The following PIWIL1 variants were observed in gnomAD, a reference collection of about 807,000 sequenced individuals.
The protein encoded by PIWIL1 is piwi like RNA-mediated gene silencing 1, also known as piwi-like protein 1.
A neutral mutation model predicts 114.4 loss-of-function variants in PIWIL1; 73 were observed. That is an observed-to-expected ratio of 0.64 (90% CI 0.53 to 0.78). The LOEUF (loss-of-function observed/expected upper bound fraction) is 0.78. Ranked by LOEUF, PIWIL1 falls within the 30% of genes least tolerant of loss-of-function variation. The probability of loss-of-function intolerance (pLI) is 0.00; values close to 1 mark genes in which losing one functional copy is unlikely to be tolerated. For synonymous variants in PIWIL1, 375 were observed against 369.0 expected, an observed-to-expected ratio of 1.02 and a Z score of -0.19; for missense variants, 723 against 1,063.1, an observed-to-expected ratio of 0.68 and a Z score of 4.45.
the PIWIL1 span, among the ~76,000 whole-genome samples, chr12:130,404,308 G>A: frequency 2.0e-5 from 3 of 152,092 alleles, no homozygotes; most frequent in African/African-American, 4.8e-5. Flanking sequence ...ATTCCTTTTT[G>A]TTTGTTTTTG....
In PIWIL1 at chr12:130,345,710, A is replaced by T. The variant is rs2073051971; in HGVS notation, c.191-43A>T. 1.9e-6 allele frequency: 3 copies of T among 1,608,966 alleles called. No homozygotes were observed. The African/African-American group carries it at 4.0e-5, about 22-fold the overall frequency. ...ATGGGAGTTAATATTGTCATCCTTTATTTCGTGCTTTATGTTGCTCAAGTA... is the reference window on the plus strand; with the variant it reads ...ATGGGAGTTAATATTGTCATCCTTTTTTTCGTGCTTTATGTTGCTCAAGTA... On this transcript the variant is annotated intron_variant, in intron 3 of 20. Transcript: ENST00000245255.
At chr12:130,396,388 T>A in the PIWIL1 span, 1 of 152,758 alleles carries the variant, frequency 6.5e-6, no homozygotes, top group South Asian at 2.1e-4. Flanking sequence ...AATTTACAAG[T>A]GGACAAGAAT....
the PIWIL1 span, among the ~76,000 whole-genome samples, chr12:130,401,122 T>A: frequency 1.3e-5 from 2 of 152,054 alleles, no homozygotes; most frequent in African/African-American, 4.8e-5. Context: ...TTATATCTTT[T>A]TTTTTTAAAT....
At chr12:130,424,142 CA>C in the PIWIL1 span, 1 of 1,228,242 alleles carries the variant, frequency 8.1e-7, no homozygotes, top group Non-Finnish European at 1.0e-6. This position sits in a 1 kb window ranked among gnomAD's most constrained non-coding sequence, Gnocchi z 9.8. Context: ...GGTCACACAC[CA>C]GGGGGCCTTG....
rs531802349 is a variant in PIWIL1 at position 130,337,929 on chromosome 12, G to A, written c.-230G>A. The A allele has an allele frequency of 4.3e-5, 7 of 161,324 alleles. No individual in the cohort carries two copies. In the East Asian group the frequency reaches 5.8e-4, roughly 13 times the overall value. The allele number at this position is 161,324 out of a possible 1,614,324, so 10.0% of individuals were successfully genotyped here. Reference sequence around the variant, plus strand: ...GTACAGACACGAGGCCGGCGCCCGGGAGGCGGTGTTCATCCGCCCGGGAAA... The same window carrying A: ...GTACAGACACGAGGCCGGCGCCCGGAAGGCGGTGTTCATCCGCCCGGGAAA... On this transcript the variant is annotated 5_prime_UTR_variant, in exon 1 of 21. Transcript: ENST00000245255.
the PIWIL1 span, among the ~76,000 whole-genome samples, chr12:130,423,687 C>A: frequency 6.7e-4 from 79 of 118,658 alleles, no homozygotes; most frequent in Middle Eastern, 5.1e-3. Context: ...TAGATTTCTT[C>A]AATCTTTTTT....
At chr12:130,412,678 A>T in the PIWIL1 span, 2 of 1,613,934 alleles carry the variant, frequency 1.2e-6, no homozygotes, top group Non-Finnish European at 1.7e-6. Context: ...CTGATCCATC[A>T]TCTCCTCATC....
chr12:130,354,761 C>A (rs146983606), intron 10 of PIWIL1, 98 bp downstream of exon 10: 291 of 1,483,842 alleles, frequency 2.0e-4, no homozygotes, highest in Admixed American at 4.2e-4. Flanking sequence ...TTCCCTCCCC[C>A]CAGAAAACCT....
downstream of PIWIL1, among the ~76,000 whole-genome samples, chr12:130,374,757 G>T (rs1189531153): frequency 6.6e-6 from 1 of 152,152 alleles, no homozygotes; most frequent in Non-Finnish European, 1.5e-5. Flanking sequence ...AAAGCTCCAG[G>T]TGATCCCTCG....
chr12:130,358,196 C>T lies in PIWIL1; in HGVS notation c.1665+643C>T, dbSNP rs569947663. 3.0e-4 allele frequency among the ~76,000 whole-genome samples: 45 copies of T among 152,296 alleles called. 1 individual carries two copies. The highest frequency in any genetic ancestry group is 1.1e-3 in the African/African-American group (45 of 41,566). On this transcript the variant is annotated intron_variant, in intron 14 of 20. Coordinates refer to ENST00000245255, the MANE Select transcript of PIWIL1 (RefSeq NM_004764.5). ...CATATGCCTGTTTGCCAGAGTCTCG[C>T]TACCTAGCGTGGGTGTGTGGGAGGT...
intron 19 of PIWIL1, among the ~76,000 whole-genome samples, chr12:130,368,280 A>G (rs1371703902): frequency 4.6e-5 from 7 of 152,148 alleles, no homozygotes; most frequent in Admixed American, 4.6e-4. Flanking sequence ...TTTGTGAAGA[A>G]GGCGACTTTA....
At chr12:130,423,327 G>A in the PIWIL1 span, among the ~76,000 whole-genome samples, 2 of 152,188 alleles carry the variant, frequency 1.3e-5, no homozygotes, top group South Asian at 2.1e-4. Context: ...GCGGGCTGCC[G>A]TGGGCGGCTG....
chr12:130,369,457 T>C (rs2073759356), intron 19 of PIWIL1, among the ~76,000 whole-genome samples: 1 of 152,208 alleles, frequency 6.6e-6, no homozygotes, highest in Non-Finnish European at 1.5e-5. Flanking sequence ...TTCTAGATCT[T>C]TGAGGAATCA....
chr12:130,402,086 C>T, the PIWIL1 span, among the ~76,000 whole-genome samples: 8 of 152,226 alleles, frequency 5.3e-5, no homozygotes, highest in African/African-American at 1.7e-4. Flanking sequence ...GTAAAATCCA[C>T]GTCAGAACGC....
downstream of PIWIL1, among the ~76,000 whole-genome samples, chr12:130,373,735 C>G (rs1030303304): frequency 9.2e-5 from 14 of 152,090 alleles, no homozygotes; most frequent in Admixed American, 3.9e-4. Context: ...TGAAAGGGGT[C>G]TCCTTAACAT....
At position 130,372,128 on chromosome 12, in the gene PIWIL1, T is replaced by A. The variant is rs2073829249; in HGVS notation, c.*530T>A. ...AGATACAGGAGAAAATATGCTTGAT[T>A]TTTATTTGGCAGGGGGGCTAGGTTG... On this transcript the variant is annotated 3_prime_UTR_variant, in exon 21 of 21. Coordinates refer to ENST00000245255, the MANE Select transcript of PIWIL1 (RefSeq NM_004764.5). 1 of 152,176 alleles carries A rather than the reference T, an allele frequency of 6.6e-6. No homozygotes were observed. The highest frequency in any genetic ancestry group is 2.1e-4 in the South Asian group (1 of 4,822). The allele number at this position is 152,176 out of a possible 1,614,324, so 9.4% of individuals were successfully genotyped here.
intron 19 of PIWIL1, among the ~76,000 whole-genome samples, chr12:130,367,691 A>G (rs1300501374): frequency 1.3e-5 from 2 of 152,186 alleles, no homozygotes; most frequent in Non-Finnish European, 2.9e-5. Context: ...GCCGAGCTGC[A>G]CTCACCGACC....
At chr12:130,356,883 A>C in intron 12 of PIWIL1, 35 bp from the exon 13 acceptor site, 1 of 1,488,350 alleles carries the variant, frequency 6.7e-7, no homozygotes, top group African/African-American at 1.4e-5. Context: ...GAGAACTTAC[A>C]ATGGAATTTA....
At chr12:130,373,955 G>A (rs1001413850), downstream of PIWIL1, among the ~76,000 whole-genome samples, 6 of 152,112 alleles carry the variant, frequency 3.9e-5, no homozygotes, top group African/African-American at 7.2e-5. Flanking sequence ...ATGTCCAAAA[G>A]CTTTAGTGTT....
Sources: gnomAD v4.1 joint callset for allele counts (sites outside exome capture counted in the v4.1 genomes callset) on GRCh38, gnomAD v4.1.1 for gene constraint, Gnocchi (gnomAD v3.1) non-coding constraint, MANE v1.5 for transcripts, NCBI Gene and HGNC (gene_info 2026-07-23, HGNC 2026-07-21) for gene names.